The following COPS5 variants were observed in gnomAD, a reference collection of about 807,000 sequenced individuals.
COPS5 encodes COP9 signalosome complex subunit 5.
Under a neutral mutation model 44.4 loss-of-function variants are expected in COPS5, and 8 were observed. The observed-to-expected ratio is 0.18, with a 90% CI of 0.11 to 0.32. COPS5 has a LOEUF of 0.32. COPS5 is among the 10% of genes least tolerant of loss of function. COPS5 has a pLI of 1.00. For missense variants in COPS5, 159 were observed against 406.4 expected, an observed-to-expected ratio of 0.39 and a Z score of 5.23; for synonymous variants, 122 against 142.8, an observed-to-expected ratio of 0.85 and a Z score of 1.04.
At chr8:67,057,574 C>A in intron 3 of COPS5, 129 bp from the exon 4 acceptor site, 1 of 497,594 alleles carries the variant, frequency 2.0e-6, no homozygotes, top group Non-Finnish European at 3.4e-6. Context: ...TAAGAATAAA[C>A]CAAAAAACCA....
chr8:67,050,880 C>G (rs1301455026), intron 6 of COPS5, among the ~76,000 whole-genome samples: 1 of 152,044 alleles, frequency 6.6e-6, no homozygotes, highest in Admixed American at 6.6e-5. Context: ...TGTTTAAGCT[C>G]GTTTCATTAG....
In COPS5 at chr8:67,057,424, A is replaced by C. The variant is rs762186633; in HGVS notation, c.529T>G (p.Ser177Ala). The C allele has an allele frequency of 1.3e-5, 21 of 1,611,876 alleles. No individual in the cohort carries two copies. In the African/African-American group the frequency reaches 2.4e-4, roughly 18 times the overall value. The change falls in exon 4 of 8, where the codon TCC (serine) becomes GCC (alanine). Residue 177 changes from serine (S) to alanine (A), a missense_variant. Physicochemically the swap from Ser to Ala is moderately conservative, Grantham distance 99 (BLOSUM62 1). This residue lies in a region of COPS5 where 134 missense variants were observed against 376.7 expected (regional missense o/e 0.36). Coordinates refer to ENST00000357849, the MANE Select transcript of COPS5 (RefSeq NM_006837.3). ...AVVIDPTRTI[S>A]AGKVNLGAFR... ...GCGCCAAGATTCACTTTCCCTGCGG[A>C]TATTGTTCTTGTTGGATCAATCTAT...
chr8:67,045,553 A>C, intron 7 of COPS5: 1 of 419,732 alleles, frequency 2.4e-6, no homozygotes, highest in African/African-American at 2.0e-5. Context: ...TTGAACCTAG[A>C]AAAGGTGACT....
intron 6 of COPS5, chr8:67,047,784 G>T: frequency 1.4e-6 from 1 of 702,466 alleles, no homozygotes; most frequent in South Asian, 1.5e-5. Context: ...CAAAGGTTCA[G>T]ACTGTTCTGG....
chr8:67,052,019 G>A (rs971997880), intron 5 of COPS5, among the ~76,000 whole-genome samples: 1 of 152,138 alleles, frequency 6.6e-6, no homozygotes, highest in Non-Finnish European at 1.5e-5. Context: ...ACATTTATAT[G>A]GGGGATGTGG....
intron 5 of COPS5, 59 bp downstream of exon 5, chr8:67,056,460 G>A (rs1804502754): frequency 6.7e-6 from 4 of 595,716 alleles, no homozygotes. Flanking sequence ...TTCCCAAAGT[G>A]CTGGGATTAT....
At position 67,059,402 on chromosome 8, in the gene COPS5, G is replaced by C; in HGVS notation, c.187C>G (p.Leu63Val). The change falls in exon 2 of 8, where the codon CTG becomes GTG. Residue 63 changes from leucine (L) to valine (V), a missense_variant. Leu to Val is a conservative substitution (Grantham distance 32, BLOSUM62 1). Around this residue, in one of 2 missense-constraint regions of COPS5, gnomAD observed 134 missense variants for 376.7 expected, o/e 0.36. Transcript: ENST00000357849. ...KYCKISALAL[L>V]KMVMHARSGG... ...GATCTGGCATGCATCACCATCTTCA[G>C]CAGAGCCAATGCTGAGATTTTGCAG... 1 of 1,614,192 alleles carries C rather than the reference G, an allele frequency of 6.2e-7. No individual in the cohort carries two copies. The highest frequency in any genetic ancestry group is 8.5e-7 in the Non-Finnish European group (1 of 1,180,020).
chr8:67,046,814 ACT>A, intron 6 of COPS5, among the ~76,000 whole-genome samples: 1 of 130,294 alleles, frequency 7.7e-6, no homozygotes, highest in East Asian at 2.2e-4. Flanking sequence ...CAAGAGCAAA[ACT>A]CTGTCTCCAA....
chr8:67,062,126 TGACACCTA>T (rs1804664666), exon 1 of COPS5: 1 of 1,547,146 alleles, frequency 6.5e-7, no homozygotes, highest in African/African-American at 1.4e-5. Flanking sequence ...GGGGCAGCCA[TGACACCTA>T]GAACCGGAGG....
intron 5 of COPS5, among the ~76,000 whole-genome samples, chr8:67,052,580 G>T (rs1367191940): frequency 1.3e-5 from 2 of 151,410 alleles, no homozygotes; most frequent in African/African-American, 4.8e-5. Context: ...ACCATGCCCA[G>T]CTAATTTTTG....
At position 67,057,361 on chromosome 8, in the gene COPS5, T is replaced by TAAAA; in HGVS notation, c.573+15_573+18dup. ...GGTAACACAGTGAGACTCTAACTCT[T>TAAAA]AAAAAAAAAAAAAGTTACCTTTGGG... On this transcript the variant is annotated intron_variant, in intron 4 of 7. Transcript: ENST00000357849. 1.6e-6 allele frequency: 2 copies of TAAAA among 1,222,270 alleles called. No homozygotes were observed. Among genetic ancestry groups the TAAAA allele is most frequent in the Non-Finnish European group, 2.3e-6 (2 of 880,646 alleles). The allele number at this position is 1,222,270 out of a possible 1,614,324, so 75.7% of individuals were successfully genotyped here.
In COPS5 at chr8:67,057,449, T is replaced by G; in HGVS notation, c.508-4A>C. 1 of 1,597,962 alleles carries G rather than the reference T, an allele frequency of 6.3e-7. No individual in the cohort carries two copies. Among genetic ancestry groups the G allele is most frequent in the Non-Finnish European group, 8.6e-7 (1 of 1,166,802 alleles). ...ATATTGTTCTTGTTGGATCAATCTA[T>G]AAGAAAGATATATTTAATATCTGCT... On this transcript the variant is annotated splice_region_variant and splice_polypyrimidine_tract_variant and intron_variant, in intron 3 of 7. Transcript: ENST00000357849.
At chr8:67,057,286 C>CTGTA in intron 4 of COPS5, 94 bp downstream of exon 4, 1 of 718,914 alleles carries the variant, frequency 1.4e-6, no homozygotes, top group East Asian at 2.7e-5. Flanking sequence ...GCGATGAAGG[C>CTGTA]TGTAGTACAC....
intron 6 of COPS5, among the ~76,000 whole-genome samples, chr8:67,046,521 A>ATTT (rs936170959): frequency 1.3e-5 from 2 of 152,224 alleles, no homozygotes; most frequent in African/African-American, 4.8e-5. Context: ...TAAAAATAAC[A>ATTT]TTTTAAAAGC....
At chr8:67,057,321 C>T (rs1804527766) in intron 4 of COPS5, 59 bp downstream of exon 4, 1 of 1,164,828 alleles carries the variant, frequency 8.6e-7, no homozygotes, top group Non-Finnish European at 1.3e-6. Flanking sequence ...TGAATAGCCA[C>T]TGTACTCCAG....
At chr8:67,047,136 AG>A (rs1457966247) in intron 6 of COPS5, among the ~76,000 whole-genome samples, 2 of 152,194 alleles carry the variant, frequency 1.3e-5, no homozygotes, top group African/African-American at 4.8e-5. Context: ...GATCTTCAAT[AG>A]AAGAGTATGA....
At chr8:67,060,587 A>G in intron 1 of COPS5, 1 of 1,001,942 alleles carries the variant, frequency 1.0e-6, no homozygotes, top group African/African-American at 1.7e-5. Context: ...CTCCTATTAC[A>G]TACATTCTAG....
At chr8:67,060,853 T>C (rs746474904) in intron 1 of COPS5, 1 of 184,414 alleles carries the variant, frequency 5.4e-6, no homozygotes, top group African/African-American at 2.4e-5. Flanking sequence ...TATACTGTAC[T>C]GGGTTGTCAT....
chr8:67,047,545 T>C, intron 6 of COPS5: 1 of 334,186 alleles, frequency 3.0e-6, no homozygotes, highest in East Asian at 4.6e-5. Flanking sequence ...TTTCTTAAAT[T>C]TGAAAATAAC....
Sources: allele counts gnomAD v4.1 joint callset (sites outside exome capture counted in the v4.1 genomes callset), GRCh38; gene constraint gnomAD v4.1.1; regional missense constraint gnomAD v4.1.1; transcripts MANE v1.5; gene names NCBI Gene and HGNC (gene_info 2026-07-23, HGNC 2026-07-21).